The following MALRD1 variants were observed in gnomAD, a reference collection of about 807,000 sequenced individuals.
The protein encoded by MALRD1 is MAM and LDL receptor class A domain containing 1.
A neutral mutation model predicts 242.1 loss-of-function variants in MALRD1; 247 were observed. The ratio of observed to expected loss-of-function variants is 1.02; its 90% CI spans 0.92 to 1.13. MALRD1 has a LOEUF of 1.13. Among genes scored for constraint, MALRD1 ranks in the 50% most tolerant of loss-of-function variants. MALRD1 has a pLI of 0.00. For synonymous variants in MALRD1, 995 were observed against 866.6 expected, an observed-to-expected ratio of 1.15 and a Z score of -2.60; for missense variants, 2,989 against 2,533.1, an observed-to-expected ratio of 1.18 and a Z score of -3.86.
chr10:19,652,311 C>A (rs182580305), intron 36 of MALRD1, among the ~76,000 whole-genome samples: 3 of 152,246 alleles, frequency 2.0e-5, no homozygotes, highest in Non-Finnish European at 1.5e-5. Flanking sequence ...ACTAAATAGG[C>A]AAGCAATTAC....
chr10:19,081,113 C>A (rs1393138022), intron 2 of MALRD1, among the ~76,000 whole-genome samples: 3 of 152,008 alleles, frequency 2.0e-5, no homozygotes, highest in Non-Finnish European at 2.9e-5. Flanking sequence ...AGTCAGGAAA[C>A]AACAGATGCT....
chr10:19,596,861 GAGGA>G lies in MALRD1; in HGVS notation c.5944+1422_5944+1425del, dbSNP rs993172283. ...GGGGGAAGGAGGGAGGGACAGAGAG[GAGGA>G]AGGAAGGAAGGAAGGAAAGGAAGGA... On this transcript the variant is annotated intron_variant, in intron 34 of 39. Transcript: ENST00000454679. 2.7e-3 allele frequency among the ~76,000 whole-genome samples: 411 copies of G among 151,278 alleles called. 6 individuals are homozygous for G. Among genetic ancestry groups the G allele is most frequent in the African/African-American group, 8.5e-3 (351 of 41,272 alleles).
At chr10:19,500,890 C>T (rs904001680) in intron 31 of MALRD1, among the ~76,000 whole-genome samples, 8 of 152,000 alleles carry the variant, frequency 5.3e-5, no homozygotes, top group Non-Finnish European at 1.0e-4. Flanking sequence ...GTGAATGAAA[C>T]AGGCATAAAT....
chr10:19,683,465 T>C (rs1396269610), intron 36 of MALRD1, among the ~76,000 whole-genome samples: 6 of 152,222 alleles, frequency 3.9e-5, no homozygotes, highest in Non-Finnish European at 7.3e-5. Flanking sequence ...TGACACTTAC[T>C]GCAGTTCGTA....
In MALRD1 at chr10:19,347,923, C is replaced by T. The variant is rs762389558; in HGVS notation, c.4054C>T (p.His1352Tyr). The change falls in exon 25 of 40, where the codon CAT becomes TAT. Residue 1352 changes from histidine (H) to tyrosine (Y), a missense_variant. Transcript: ENST00000454679. ...TCACACTTTGGGAAATTCATCTGGT[C>T]ATTACATCTTTATAAAGAGTTTGTT... ...ADHTLGNSSG[H>Y]YIFIKSLFPQ... 1.3e-6 allele frequency: 2 copies of T among 1,550,244 alleles called. No individual in the cohort carries two copies. The highest frequency in any genetic ancestry group is 2.4e-5 in the South Asian group (2 of 84,026).
chr10:19,178,843 T>A (rs940146608), intron 14 of MALRD1, among the ~76,000 whole-genome samples: 2 of 152,150 alleles, frequency 1.3e-5, no homozygotes, highest in Non-Finnish European at 2.9e-5. Context: ...GTGAGTGCAT[T>A]ACTGACTCCT....
intron 26 of MALRD1, among the ~76,000 whole-genome samples, chr10:19,361,709 C>T (rs1461428990): frequency 6.6e-6 from 1 of 152,014 alleles, no homozygotes; most frequent in African/African-American, 2.4e-5. Context: ...TTCTGGGAGC[C>T]ATTTCTGGAA....
At chr10:19,217,579 C>A (rs1251518817) in intron 18 of MALRD1, among the ~76,000 whole-genome samples, 3 of 143,240 alleles carry the variant, frequency 2.1e-5, no homozygotes, top group Non-Finnish European at 3.0e-5. Flanking sequence ...TGTCACCAGG[C>A]TGGAGTGCAG....
intron 36 of MALRD1, among the ~76,000 whole-genome samples, chr10:19,649,962 G>A (rs893065483): frequency 6.6e-6 from 1 of 152,096 alleles, no homozygotes; most frequent in Non-Finnish European, 1.5e-5. Context: ...AGTTATCCCA[G>A]CATCATTTAT....
chr10:19,571,966 C>G (rs1332492868), intron 33 of MALRD1, among the ~76,000 whole-genome samples: 2 of 152,162 alleles, frequency 1.3e-5, no homozygotes, highest in African/African-American at 4.8e-5. Flanking sequence ...ATTTCAACCT[C>G]GTATTAGGTG....
intron 9 of MALRD1, 51 bp downstream of exon 9, chr10:19,133,999 T>G (rs1209341439): frequency 1.0e-6 from 1 of 961,028 alleles, no homozygotes; most frequent in Non-Finnish European, 1.3e-6. Context: ...AAGTTTTAGC[T>G]TTGCAGTAAT....
chr10:19,154,892 G>T (rs4466729), intron 11 of MALRD1, among the ~76,000 whole-genome samples, 183 bp from the exon 12 acceptor site: 39,774 of 151,994 alleles, frequency 0.26, 5,401 homozygotes, highest in Admixed American at 0.33. Context: ...GTTATTTTAG[G>T]TATTTAATGT....
chr10:19,549,027 C>T (rs778722841), intron 32 of MALRD1, among the ~76,000 whole-genome samples: 10 of 152,118 alleles, frequency 6.6e-5, no homozygotes, highest in Admixed American at 5.2e-4. Flanking sequence ...AGCAAAACAG[C>T]CTTAGTGCTA....
intron 39 of MALRD1, among the ~76,000 whole-genome samples, chr10:19,731,351 A>G (rs926937314): frequency 1.3e-5 from 2 of 152,094 alleles, no homozygotes; most frequent in Non-Finnish European, 2.9e-5. Context: ...TAGATTTTTT[A>G]TATTTTAAGT....
intron 38 of MALRD1, among the ~76,000 whole-genome samples, chr10:19,692,886 T>TATATATATATATATA (rs373717863): frequency 5.1e-5 from 7 of 136,848 alleles, no homozygotes; most frequent in East Asian, 2.1e-4. Context: ...TATATATATA[T>TATATATATATATATA]AATTTCATCC....
chr10:19,311,576 A>G (rs1244995837), intron 21 of MALRD1, among the ~76,000 whole-genome samples: 1 of 151,516 alleles, frequency 6.6e-6, no homozygotes, highest in Admixed American at 6.6e-5. Context: ...ATTAAGTTCA[A>G]GATTTTAATA....
At chr10:19,614,485 A>G (rs1017112513) in intron 35 of MALRD1, among the ~76,000 whole-genome samples, 2 of 152,048 alleles carry the variant, frequency 1.3e-5, no homozygotes, top group East Asian at 1.9e-4. Flanking sequence ...ATTATACCCC[A>G]TAAATATGTA....
intron 21 of MALRD1, among the ~76,000 whole-genome samples, chr10:19,305,073 G>C (rs1842105744): frequency 6.6e-6 from 1 of 151,628 alleles, no homozygotes; most frequent in Non-Finnish European, 1.5e-5. Flanking sequence ...TGCAAATCCT[G>C]AATGACTTTA....
At chr10:19,193,746 G>C (rs1456041588) in intron 14 of MALRD1, among the ~76,000 whole-genome samples, 1 of 151,716 alleles carries the variant, frequency 6.6e-6, no homozygotes, top group East Asian at 1.9e-4. Flanking sequence ...TTGAGTTTTA[G>C]CTTAAAATAT....
Sources: allele counts gnomAD v4.1 joint callset (sites outside exome capture counted in the v4.1 genomes callset), GRCh38; gene constraint gnomAD v4.1.1; transcripts MANE v1.5; gene names NCBI Gene and HGNC (gene_info 2026-07-23, HGNC 2026-07-21).